Variants in POU3F4 observed in about 807,000 individuals in gnomAD.
POU3F4 encodes the protein POU domain, class 3, transcription factor 4.
In POU3F4, 2 loss-of-function variants were observed where a neutral mutation model predicts 15.2. That is an observed-to-expected ratio of 0.13 (90% CI 0.05 to 0.42). The LOEUF (loss-of-function observed/expected upper bound fraction) is 0.42. Among genes scored for constraint, POU3F4 ranks in the 10% least tolerant of loss-of-function variants. The probability of loss-of-function intolerance (pLI) is 0.99; values close to 1 mark genes in which losing one functional copy is unlikely to be tolerated. For missense variants in POU3F4, 220 were observed against 297.0 expected (o/e 0.74, Z 1.91); for synonymous variants, 158 against 133.3 (o/e 1.19, Z -1.28).
chrX:83,509,783 T>C lies in POU3F4; in HGVS notation c.*373T>C. 1 of 233,210 alleles carries C rather than the reference T, an allele frequency of 4.3e-6. No homozygotes were observed. The highest frequency in any genetic ancestry group is 6.9e-5 in the Admixed American group (1 of 14,495). 19.2% of individuals were successfully genotyped at this position (233,210 alleles called of 1,213,427 possible). ...ACACATACTCTCTCATTCAGGCTTC[T>C]CAATGCTGATACACAGTTACATTAA... On this transcript the variant is annotated 3_prime_UTR_variant, in exon 1 of 1. Coordinates refer to ENST00000644024, the MANE Select transcript of POU3F4 (RefSeq NM_000307.5).
chrX:83,508,498 G>T lies in POU3F4; in HGVS notation c.174G>T (p.Val58=). ...GGCATCCCCTCGGGCATCACTGGGT[G>T]ACCAGTCTGAGCGACGGGGGCCCAT... ...SNGHPLGHHW[V]TSLSDGGPWS... The change falls in exon 1 of 1, where the codon GTG becomes GTT. Residue 58 remains valine (V), a synonymous_variant. Transcript: ENST00000644024. The T allele has an allele frequency of 8.3e-7, 1 of 1,205,727 alleles. No individual in the cohort carries two copies. The highest frequency in any genetic ancestry group is 1.1e-6 in the Non-Finnish European group (1 of 892,227).
In POU3F4 at chrX:83,509,614, C is replaced by T; in HGVS notation, c.*204C>T. 1.9e-6 allele frequency: 1 copy of T among 537,059 alleles called. No individual in the cohort carries two copies. Among genetic ancestry groups the T allele is most frequent in the Non-Finnish European group, 2.9e-6 (1 of 342,367 alleles). 44.3% of individuals were successfully genotyped at this position (537,059 alleles called of 1,213,427 possible). The stretch of plus-strand genomic sequence containing the variant: ...TTTCCCTTCTTTTTCCCTTTCCTTT[C>T]CTTTCATTTTCTTTCCTTTCCCCTT... On this transcript the variant is annotated 3_prime_UTR_variant, in exon 1 of 1. Coordinates refer to ENST00000644024, the MANE Select transcript of POU3F4 (RefSeq NM_000307.5).
Position 83,511,690 on chromosome X carries a change from GTTTT to G in POU3F4, c.*2283_*2286del, listed in dbSNP as rs1385767213. 1 of 112,064 alleles carries G rather than the reference GTTTT, an allele frequency of 8.9e-6. No individual in the cohort carries two copies. The highest frequency in any genetic ancestry group is 1.9e-5 in the Non-Finnish European group (1 of 53,245). 9.2% of individuals were successfully genotyped at this position (112,064 alleles called of 1,213,427 possible). On this transcript the variant is annotated 3_prime_UTR_variant, in exon 1 of 1. Coordinates refer to ENST00000644024, the MANE Select transcript of POU3F4 (RefSeq NM_000307.5). ...AGTTCATGTTTTACAACTGTTGGGA[GTTTT>G]TTGTTTGTTTCGATTTTTTTTCTTT...
chrX:83,510,639 G>T lies in POU3F4; in HGVS notation c.*1229G>T, dbSNP rs767251309. ...CGCAGAAATCCAGGCCCCCAGCCTC[G>T]CTAGGGCGACCTTCCGCGCGACCTC... On this transcript the variant is annotated 3_prime_UTR_variant, in exon 1 of 1. Transcript: ENST00000644024. 1.8e-5 allele frequency: 2 copies of T among 111,601 alleles called. No individual in the cohort carries two copies. The highest frequency in any genetic ancestry group is 3.3e-5 in the African/African-American group (1 of 30,661). The allele number at this position is 111,601 out of a possible 1,213,427, so 9.2% of individuals were successfully genotyped here.
At position 83,511,653 on chromosome X, in the gene POU3F4, T is replaced by C. The variant is rs903193650; in HGVS notation, c.*2243T>C. The C allele has an allele frequency of 8.0e-5, 9 of 112,173 alleles. No individual in the cohort carries two copies. Among genetic ancestry groups the C allele is most frequent in the Non-Finnish European group, 1.7e-4 (9 of 53,246 alleles). The allele number at this position is 112,173 out of a possible 1,213,427, so 9.2% of individuals were successfully genotyped here. On this transcript the variant is annotated 3_prime_UTR_variant, in exon 1 of 1. Transcript: ENST00000644024. ...TTAGTTCTGGGATTTTATTTTTTTT[T>C]CCCCCACACTGAGTTCATGTTTTAC...
Position 83,511,653 on chromosome X carries a change from T to TC in POU3F4, c.*2248dup, listed in dbSNP as rs975390597. Reference sequence around the variant, plus strand: ...TTAGTTCTGGGATTTTATTTTTTTTTCCCCCACACTGAGTTCATGTTTTAC... The same window carrying TC: ...TTAGTTCTGGGATTTTATTTTTTTTTCCCCCCACACTGAGTTCATGTTTTAC... On this transcript the variant is annotated 3_prime_UTR_variant, in exon 1 of 1. Transcript: ENST00000644024. 1.8e-5 allele frequency: 2 copies of TC among 112,173 alleles called. No individual in the cohort carries two copies. Among genetic ancestry groups the TC allele is most frequent in the African/African-American group, 6.5e-5 (2 of 30,862 alleles). The allele number at this position is 112,173 out of a possible 1,213,427, so 9.2% of individuals were successfully genotyped here.
rs752828020 is a variant in POU3F4 at position 83,508,698 on chromosome X, C to A, written c.374C>A (p.Thr125Lys). 4.1e-6 allele frequency: 5 copies of A among 1,211,615 alleles called. No individual in the cohort carries two copies. Among genetic ancestry groups the A allele is most frequent in the Admixed American group, 4.3e-5 (2 of 46,122 alleles). ...GASPAPNPSI[T>K]SSGQPLNVYS... Reference sequence around the variant, plus strand: ...AGCCCGGCACCGAACCCGTCTATCACGTCAAGCGGCCAACCCCTCAACGTG... The same window carrying A: ...AGCCCGGCACCGAACCCGTCTATCAAGTCAAGCGGCCAACCCCTCAACGTG... The change falls in exon 1 of 1, where the codon ACG becomes AAG. Residue 125 changes from threonine to lysine, a missense_variant. Transcript: ENST00000644024.
chrX:83,509,134 C>G lies in POU3F4; in HGVS notation c.810C>G (p.Asp270Glu). 1 of 1,211,725 alleles carries G rather than the reference C, an allele frequency of 8.3e-7. No homozygotes were observed. The highest frequency in any genetic ancestry group is 3.0e-5 in the East Asian group (1 of 33,825). Reference sequence around the variant, plus strand: ...CCACAGGGAGCCCGACCAGCATTGACAAGATCGCTGCACAGGGCCGCAAGC... The same window carrying G: ...CCACAGGGAGCCCGACCAGCATTGAGAAGATCGCTGCACAGGGCCGCAAGC... Reference protein sequence around the residue: ...DSSTGSPTSIDKIAAQGRKRK... With the variant: ...DSSTGSPTSIEKIAAQGRKRK... The change falls in exon 1 of 1, where the codon GAC (aspartate) becomes GAG (glutamate). Residue 270 changes from aspartate (D) to glutamate (E), a missense_variant. By Grantham distance (45) the Asp-to-Glu change is conservative. This residue lies in a region of POU3F4 where 25 missense variants were observed against 36.7 expected (regional missense o/e 0.68). Transcript: ENST00000644024.
At position 83,511,974 on chromosome X, in the gene POU3F4, G is replaced by A. The variant is rs1407302097; in HGVS notation, c.*2564G>A. The A allele has an allele frequency of 8.9e-6, 1 of 112,282 alleles. No individual in the cohort carries two copies. Among genetic ancestry groups the A allele is most frequent in the Non-Finnish European group, 1.9e-5 (1 of 53,299 alleles). 9.3% of individuals were successfully genotyped at this position (112,282 alleles called of 1,213,427 possible). Reference sequence around the variant, plus strand: ...AATAAATTCTGCATTGTGTTTAAAAGGAAATTCTTTCACAGATAAGTTGGA... The same window carrying A: ...AATAAATTCTGCATTGTGTTTAAAAAGAAATTCTTTCACAGATAAGTTGGA... On this transcript the variant is annotated 3_prime_UTR_variant, in exon 1 of 1. Coordinates refer to ENST00000644024, the MANE Select transcript of POU3F4 (RefSeq NM_000307.5).
Position 83,510,299 on chromosome X carries a change from C to A in POU3F4, c.*889C>A, listed in dbSNP as rs1341239249. On this transcript the variant is annotated 3_prime_UTR_variant, in exon 1 of 1. Coordinates refer to ENST00000644024, the MANE Select transcript of POU3F4 (RefSeq NM_000307.5). ...ATGCCTATCTACTCACCGCCCCCCC[C>A]CTTCCCAAATCTCTATGAGGAGGAG... The A allele has an allele frequency of 6.6e-5, 7 of 106,419 alleles. No individual in the cohort carries two copies. The highest frequency in any genetic ancestry group is 1.4e-4 in the Non-Finnish European group (7 of 51,065). 8.8% of individuals were successfully genotyped at this position (106,419 alleles called of 1,213,427 possible).
At position 83,511,090 on chromosome X, in the gene POU3F4, C is replaced by A. The variant is rs1462119613; in HGVS notation, c.*1680C>A. On this transcript the variant is annotated 3_prime_UTR_variant, in exon 1 of 1. Coordinates refer to ENST00000644024, the MANE Select transcript of POU3F4 (RefSeq NM_000307.5). ...TATAAATATATATATATTTTTAAAT[C>A]TCTGTGTGTATGTGTCTCTGTGCGT... The A allele has an allele frequency of 9.3e-6, 1 of 107,381 alleles. No individual in the cohort carries two copies. The highest frequency in any genetic ancestry group is 1.0e-4 in the Admixed American group (1 of 9,880). The allele number at this position is 107,381 out of a possible 1,213,427, so 8.8% of individuals were successfully genotyped here.
Position 83,510,790 on chromosome X carries a change from C to T in POU3F4, c.*1380C>T, listed in dbSNP as rs977899314. ...TTCGGTTCACCTCCAGTTCACCGCC[C>T]CCTCTGAGTAAGAAACCCTTGGGGA... On this transcript the variant is annotated 3_prime_UTR_variant, in exon 1 of 1. Transcript: ENST00000644024. 1.3e-4 allele frequency: 14 copies of T among 111,844 alleles called. No homozygotes were observed. Among genetic ancestry groups the T allele is most frequent in the African/African-American group, 4.2e-4 (13 of 30,766 alleles). 9.2% of individuals were successfully genotyped at this position (111,844 alleles called of 1,213,427 possible). A position where few individuals can be genotyped will look rare whatever the true frequency, so the allele number is the denominator to read the frequency against.
Position 83,508,797 on chromosome X carries a change from C to G in POU3F4, c.473C>G (p.Ser158Cys). The G allele has an allele frequency of 2.5e-6, 3 of 1,206,066 alleles. No homozygotes were observed. Among genetic ancestry groups the G allele is most frequent in the Non-Finnish European group, 3.4e-6 (3 of 892,391 alleles). Reference protein sequence around the residue: ...GGLTPPPAAASAQSLHPVLRE... With the variant: ...GGLTPPPAAACAQSLHPVLRE... ...CTCACCCCACCTCCAGCTGCCGCCT[C>G]TGCACAGAGCCTGCACCCGGTGCTC... Residue 158 changes from serine to cysteine, a missense_variant, in exon 1 of 1, where the codon TCT (serine) becomes TGT (cysteine). Ser to Cys is a moderately radical substitution (Grantham distance 112). Around this residue, in one of 5 missense-constraint regions of POU3F4, gnomAD observed 161 missense variants for 154.1 expected, o/e 1.05. Transcript: ENST00000644024.
At position 83,510,843 on chromosome X, in the gene POU3F4, A is replaced by G. The variant is rs887347327; in HGVS notation, c.*1433A>G. ...GGTGGCGAGGGAGTGGGGGATAGGC[A>G]TTCTCTGCTCAGTGCAGAACGGCAA... is the stretch of plus-strand genomic sequence containing the variant. On this transcript the variant is annotated 3_prime_UTR_variant, in exon 1 of 1. Transcript: ENST00000644024. 2 of 110,634 alleles carry G rather than the reference A, an allele frequency of 1.8e-5. No homozygotes were observed. The highest frequency in any genetic ancestry group is 6.6e-5 in the African/African-American group (2 of 30,337). 9.1% of individuals were successfully genotyped at this position (110,634 alleles called of 1,213,427 possible). A position where few individuals can be genotyped will look rare whatever the true frequency, so the allele number is the denominator to read the frequency against.
chrX:83,508,451 T>C lies in POU3F4; in HGVS notation c.127T>C (p.Leu43=). The change falls in exon 1 of 1, where the codon TTG becomes CTG. Residue 43 remains leucine, a synonymous_variant. Coordinates refer to ENST00000644024, the MANE Select transcript of POU3F4 (RefSeq NM_000307.5). ...NPQKLLQSDY[L]QGVPSNGHPL... ...TCAGAAACTTCTCCAAAGTGATTACTTGCAGGGAGTTCCCAGCAATGGGCA... is the reference window on the plus strand; with the variant it reads ...TCAGAAACTTCTCCAAAGTGATTACCTGCAGGGAGTTCCCAGCAATGGGCA... The C allele has an allele frequency of 1.7e-6, 2 of 1,210,511 alleles. No individual in the cohort carries two copies. The highest frequency in any genetic ancestry group is 2.2e-6 in the Non-Finnish European group (2 of 894,848).
At position 83,511,345 on chromosome X, in the gene POU3F4, C is replaced by G. The variant is rs1228788800; in HGVS notation, c.*1935C>G. 2 of 112,131 alleles carry G rather than the reference C, an allele frequency of 1.8e-5. No homozygotes were observed. Among genetic ancestry groups the G allele is most frequent in the East Asian group, 2.8e-4 (1 of 3,556 alleles). 9.2% of individuals were successfully genotyped at this position (112,131 alleles called of 1,213,427 possible). A position where few individuals can be genotyped will look rare whatever the true frequency, so the allele number is the denominator to read the frequency against. ...CACACGTGTGAGGCCGGCCAAGCAC[C>G]CAACACCCAGCCGCCGCCGGCCAGA... On this transcript the variant is annotated 3_prime_UTR_variant, in exon 1 of 1. Transcript: ENST00000644024.
Position 83,508,751 on chromosome X carries a change from G to C in POU3F4, c.427G>C (p.Gly143Arg). 2 of 1,207,079 alleles carry C rather than the reference G, an allele frequency of 1.7e-6. No homozygotes were observed. Among genetic ancestry groups the C allele is most frequent in the Non-Finnish European group, 2.2e-6 (2 of 893,080 alleles). Residue 143 changes from glycine (G) to arginine (R), a missense_variant, in exon 1 of 1, where the codon GGC becomes CGC. By Grantham distance (125) the Gly-to-Arg change is moderately radical (BLOSUM62 -2). This residue lies in a region of POU3F4 where 161 missense variants were observed against 154.1 expected (regional missense o/e 1.05). Coordinates refer to ENST00000644024, the MANE Select transcript of POU3F4 (RefSeq NM_000307.5). ...CTCGCAGCCTGGCTTCACCGTGAGC[G>C]GCATGCTGGAACACGGGGGACTCAC... ...VYSQPGFTVS[G>R]MLEHGGLTPP...
Position 83,509,197 on chromosome X carries a change from C to T in POU3F4, c.873C>T (p.Gly291=). The T allele has an allele frequency of 8.3e-7, 1 of 1,211,561 alleles. No homozygotes were observed. ...KRTSIEVSVK[G]VLETHFLKCP... ...CCTCCATCGAGGTGAGTGTCAAGGG[C>T]GTACTGGAGACGCATTTCCTCAAGT... Residue 291 remains glycine (G), a synonymous_variant, in exon 1 of 1, where the codon GGC becomes GGT. Transcript: ENST00000644024.
Position 83,508,535 on chromosome X carries a change from C to G in POU3F4, c.211C>G (p.Leu71Val). The G allele has an allele frequency of 8.3e-7, 1 of 1,203,730 alleles. No individual in the cohort carries two copies. The highest frequency in any genetic ancestry group is 1.1e-6 in the Non-Finnish European group (1 of 891,224). Residue 71 changes from leucine to valine, a missense_variant, in exon 1 of 1, where the codon CTG (leucine) becomes GTG (valine). Coordinates refer to ENST00000644024, the MANE Select transcript of POU3F4 (RefSeq NM_000307.5). ...LSDGGPWSST[L>V]ATSPLDQQDV... ...CGACGGGGGCCCATGGTCCTCCACA[C>G]TGGCCACCAGCCCCCTGGACCAGCA...
Sources: allele counts gnomAD v4.1 joint callset, GRCh38; gene constraint gnomAD v4.1.1; regional missense constraint gnomAD v4.1.1; transcripts MANE v1.5; gene names NCBI Gene and HGNC (gene_info 2026-07-23, HGNC 2026-07-21).